AIG1: variants seen among roughly 807,000 people sequenced by gnomAD.
AIG1 encodes the protein androgen-induced gene 1 protein.
AIG1 carries 23 observed loss-of-function variants against 31.4 expected under a neutral mutation model. That is an observed-to-expected ratio of 0.73 (90% CI 0.53 to 1.04). The LOEUF is 1.04. Among genes scored for constraint, AIG1 ranks in the 50% least tolerant of loss-of-function variants. AIG1 has a pLI of 0.00. For synonymous variants in AIG1, 100 were observed against 110.5 expected, an observed-to-expected ratio of 0.90 and a Z score of 0.60; for missense variants, 274 against 295.0, an observed-to-expected ratio of 0.93 and a Z score of 0.52.
chr6:143,209,666 G>A (rs939518612), intron 3 of AIG1, among the ~76,000 whole-genome samples: 1 of 152,148 alleles, frequency 6.6e-6, no homozygotes, highest in African/African-American at 2.4e-5. Context: ...CGGCTCCCTT[G>A]TTTTAGCCCA....
rs59551903 is a variant in AIG1 at position 143,287,737 on chromosome 6, TAAAA to T, written c.515+3536_515+3539del. ...CCCATAGAACAATGCCTGACTACAGTAAAAAAAAAAAAAAAAAAAAAAAAAAATC... is the reference window on the plus strand; with the variant it reads ...CCCATAGAACAATGCCTGACTACAGTAAAAAAAAAAAAAAAAAAAAAAATC... On this transcript the variant is annotated intron_variant, in intron 4 of 5. Transcript: ENST00000357847. Among the ~76,000 whole-genome samples the T allele has an allele frequency of 1.7e-3, 129 of 78,044 alleles. No individual in the cohort carries two copies. The South Asian group carries it at 0.024, about 14-fold the overall frequency. The allele number at this position is 78,044 out of a possible 152,430, so 51.2% of individuals were successfully genotyped here.
chr6:143,153,141 T>C lies in AIG1; in HGVS notation c.298-11941T>C, dbSNP rs535541565. ...TGGGGAAGGATTTCCACCTCAAAGA[T>C]GAAGTGAGAATATGATAGGAGCCTA... is the stretch of plus-strand genomic sequence containing the variant. On this transcript the variant is annotated intron_variant, in intron 2 of 5. Transcript: ENST00000357847. 2.0e-5 allele frequency among the ~76,000 whole-genome samples: 3 copies of C among 152,030 alleles called. No individual in the cohort carries two copies. The East Asian group carries it at 5.8e-4, about 29-fold the overall frequency.
At chr6:143,300,345 A>G (rs1315979269) in intron 4 of AIG1, among the ~76,000 whole-genome samples, 3 of 152,350 alleles carry the variant, frequency 2.0e-5, no homozygotes, top group South Asian at 2.1e-4. Flanking sequence ...TCTTTCAGAA[A>G]TATTAGCTTT....
chr6:143,333,296 A>C lies in AIG1; in HGVS notation c.530A>C (p.His177Pro). The change falls in exon 5 of 6, where the codon CAT (histidine) becomes CCT (proline). Residue 177 changes from histidine to proline, a missense_variant. Physicochemically the swap from His to Pro is moderately conservative, Grantham distance 77. This residue lies in a region of AIG1 where 243 missense variants were observed against 238.5 expected (regional missense o/e 1.02). Coordinates refer to ENST00000357847, the MANE Select transcript of AIG1 (RefSeq NM_016108.4). The surrounding 1 kb of genome is among the most constrained non-coding windows in gnomAD (Gnocchi z 4.6). ...TTCTTTTGCAGGGTGTGCTGGGTGC[A>C]TCATGTAACTGGCATGTGGGTGTAC... The part of the protein sequence containing the change: ...VGYILWVCWV[H>P]HVTGMWVYPF... 3 of 1,612,082 alleles carry C rather than the reference A, an allele frequency of 1.9e-6. No individual in the cohort carries two copies. The highest frequency in any genetic ancestry group is 2.5e-6 in the Non-Finnish European group (3 of 1,179,278).
At chr6:143,124,888 G>A (rs1389396823) in intron 1 of AIG1, among the ~76,000 whole-genome samples, 2 of 152,114 alleles carry the variant, frequency 1.3e-5, no homozygotes, top group African/African-American at 4.8e-5. Flanking sequence ...ACCTGGTCCT[G>A]CCCTTGACAT....
At chr6:143,190,064 A>G (rs1031823287) in intron 3 of AIG1, 4 of 613,392 alleles carry the variant, frequency 6.5e-6, no homozygotes, top group Non-Finnish European at 6.1e-6. Flanking sequence ...AATCCCATTC[A>G]TTGAGGATTC....
At chr6:143,236,746 C>A (rs936504173) in intron 3 of AIG1, among the ~76,000 whole-genome samples, 6 of 152,132 alleles carry the variant, frequency 3.9e-5, no homozygotes, top group Non-Finnish European at 8.8e-5. Context: ...AAAACGCCAC[C>A]CCCCAACTAA....
intron 1 of AIG1, among the ~76,000 whole-genome samples, chr6:143,103,046 A>C (rs1780447408): frequency 6.6e-6 from 1 of 152,206 alleles, no homozygotes; most frequent in Admixed American, 6.5e-5. Context: ...ACTAAATTAC[A>C]CATTTAAAAC....
intron 2 of AIG1, among the ~76,000 whole-genome samples, chr6:143,154,382 A>C (rs1785523920): frequency 6.6e-6 from 1 of 152,160 alleles, no homozygotes; most frequent in Admixed American, 6.5e-5. Context: ...ATAGTCTCAA[A>C]ATGATGAAAC....
chr6:143,235,582 G>A (rs2128634714), intron 3 of AIG1, among the ~76,000 whole-genome samples: 1 of 152,074 alleles, frequency 6.6e-6, no homozygotes, highest in South Asian at 2.1e-4. Flanking sequence ...CATGTTCCCA[G>A]GCTCCCCATC....
intron 3 of AIG1, among the ~76,000 whole-genome samples, chr6:143,262,987 G>A (rs1276244377): frequency 1.3e-5 from 2 of 152,192 alleles, no homozygotes; most frequent in Non-Finnish European, 2.9e-5. Context: ...CAGATGAGCA[G>A]ATTGACAGAA....
chr6:143,166,622 G>T (rs929016248), intron 3 of AIG1, among the ~76,000 whole-genome samples: 1 of 152,116 alleles, frequency 6.6e-6, no homozygotes, highest in African/African-American at 2.4e-5. Flanking sequence ...CAAGCACTTC[G>T]CCCAGTTGTC....
At chr6:143,304,914 G>C (rs1199829761) in intron 4 of AIG1, among the ~76,000 whole-genome samples, 1 of 152,132 alleles carries the variant, frequency 6.6e-6, no homozygotes, top group Non-Finnish European at 1.5e-5. Flanking sequence ...GCCTGTTATT[G>C]GTCTATTCAG....
chr6:143,182,256 A>G (rs999821178), intron 3 of AIG1, among the ~76,000 whole-genome samples: 2 of 152,050 alleles, frequency 1.3e-5, no homozygotes, highest in East Asian at 3.9e-4. Context: ...CTGATCTCAA[A>G]TTTCTGGACT....
chr6:143,339,146 C>A (rs1212075882), intron 5 of AIG1: 2 of 150,082 alleles, frequency 1.3e-5, no homozygotes, highest in African/African-American at 5.0e-5. Context: ...AATAAACTCT[C>A]TATGAACTTT....
chr6:143,213,538 A>G (rs1440466333), intron 3 of AIG1, among the ~76,000 whole-genome samples: 2 of 94,554 alleles, frequency 2.1e-5, no homozygotes, highest in African/African-American at 4.4e-5. Context: ...TTTTTTTGAG[A>G]TGGAGTCTTG....
intron 3 of AIG1, among the ~76,000 whole-genome samples, chr6:143,186,451 G>A (rs374869461): frequency 2.6e-5 from 4 of 152,044 alleles, no homozygotes; most frequent in Admixed American, 1.3e-4. Flanking sequence ...TCCCCTTTAC[G>A]CAACCCATTT....
intron 3 of AIG1, among the ~76,000 whole-genome samples, chr6:143,177,704 G>A (rs1788300793): frequency 6.6e-6 from 1 of 152,194 alleles, no homozygotes; most frequent in African/African-American, 2.4e-5. Flanking sequence ...TGGGTGTATG[G>A]CAGGTCTACC....
At chr6:143,170,984 C>T (rs899310383) in intron 3 of AIG1, among the ~76,000 whole-genome samples, 2 of 151,828 alleles carry the variant, frequency 1.3e-5, no homozygotes, top group African/African-American at 4.8e-5. Context: ...AACAAATATT[C>T]CCATTATAGA....
Sources: gnomAD v4.1 joint callset for allele counts (sites outside exome capture counted in the v4.1 genomes callset) on GRCh38, gnomAD v4.1.1 for gene constraint, gnomAD v4.1.1 regional missense constraint, Gnocchi (gnomAD v3.1) non-coding constraint, MANE v1.5 for transcripts, NCBI Gene and HGNC (gene_info 2026-07-23, HGNC 2026-07-21) for gene names.